Variants in KCNQ1OT1 observed in about 807,000 individuals in gnomAD.
KCNQ1OT1 encodes the protein KCNQ1 opposite strand/antisense transcript 1.
In KCNQ1OT1 at chr11:2,623,542, C is replaced by T; in HGVS notation, n.76453G>A. 1 of 398,552 alleles carries T rather than the reference C, an allele frequency of 2.5e-6. No homozygotes were observed. Among genetic ancestry groups the T allele is most frequent in the Non-Finnish European group, 4.4e-6 (1 of 226,046 alleles). The allele number at this position is 398,552 out of a possible 1,614,324, so 24.7% of individuals were successfully genotyped here. A position where few individuals can be genotyped will look rare whatever the true frequency, so the allele number is the denominator to read the frequency against. ...ACAGTATGTAGTTTCTTCAGATTGCCTTATTTCACATAGTAATATGTTTTT... is the reference window on the plus strand; with the variant it reads ...ACAGTATGTAGTTTCTTCAGATTGCTTTATTTCACATAGTAATATGTTTTT... On this transcript the variant is annotated non_coding_transcript_exon_variant, in exon 1 of 1. Transcript: ENST00000597346. This position sits in a 1 kb window ranked among gnomAD's most constrained non-coding sequence, Gnocchi z 5.2.
exon 1 of KCNQ1OT1, chr11:2,699,738 CGAGGAGCCCCCAGAAGAGCGCCGCGCT>C (rs907213440): frequency 3.9e-5 from 15 of 383,530 alleles, no homozygotes; most frequent in East Asian, 7.3e-5. Flanking sequence ...AGAACTGCGC[CGAGGAGCCCCCAGAAGAGCGCCGCGCT>C]GAGGAGCCCC....
At chr11:2,619,936 T>C (rs1047972884) in exon 1 of KCNQ1OT1, 2 of 385,224 alleles carry the variant, frequency 5.2e-6, no homozygotes, top group Non-Finnish European at 4.5e-6. Context: ...TGCATGATGA[T>C]GAGGTTTGGA....
Position 2,627,700 on chromosome 11 carries a change from A to G in KCNQ1OT1, n.72295T>C. On this transcript the variant is annotated non_coding_transcript_exon_variant, in exon 1 of 1. Transcript: ENST00000597346. This position sits in a 1 kb window ranked among gnomAD's most constrained non-coding sequence, Gnocchi z 4.9. ...TGTGTGTGTGTGTGTCTGTATGTAT[A>G]TGTATGTGATGTGTTTATTTGGGAA... 1 of 398,354 alleles carries G rather than the reference A, an allele frequency of 2.5e-6. No homozygotes were observed. Among genetic ancestry groups the G allele is most frequent in the Admixed American group, 4.4e-5 (1 of 22,680 alleles). 24.7% of individuals were successfully genotyped at this position (398,354 alleles called of 1,614,324 possible). A position where few individuals can be genotyped will look rare whatever the true frequency, so the allele number is the denominator to read the frequency against.
rs1849026235 is a variant in KCNQ1OT1 at position 2,614,338 on chromosome 11, T to G, written n.85657A>C. 3 of 398,608 alleles carry G rather than the reference T, an allele frequency of 7.5e-6. No homozygotes were observed. In the Admixed American group the frequency reaches 1.3e-4, roughly 18 times the overall value. The allele number at this position is 398,608 out of a possible 1,614,324, so 24.7% of individuals were successfully genotyped here. A position where few individuals can be genotyped will look rare whatever the true frequency, so the allele number is the denominator to read the frequency against. ...TAATTCTGTCTGTGCTGCTTTTTAG[T>G]CTTCTGTGCACCCTTTAAATTTTTT... is the stretch of plus-strand genomic sequence containing the variant. On this transcript the variant is annotated non_coding_transcript_exon_variant, in exon 1 of 1. Transcript: ENST00000597346.
chr11:2,640,627 C>T (rs1333867083), exon 1 of KCNQ1OT1: 17 of 396,684 alleles, frequency 4.3e-5, no homozygotes, highest in Middle Eastern at 6.2e-4. Flanking sequence ...TTACATGCAT[C>T]GAATGTGTAA....
At chr11:2,680,937 C>T (rs898685984) in exon 1 of KCNQ1OT1, 1 of 398,398 alleles carries the variant, frequency 2.5e-6, no homozygotes, top group African/African-American at 2.1e-5. Flanking sequence ...ATTTTTAAAG[C>T]TGATGGACAC....
rs1210550681 is a variant in KCNQ1OT1 at position 2,658,298 on chromosome 11, C to T, written n.41697G>A. On this transcript the variant is annotated non_coding_transcript_exon_variant, in exon 1 of 1. Transcript: ENST00000597346. This position sits in a 1 kb window ranked among gnomAD's most constrained non-coding sequence, Gnocchi z 4.9. ...CTTCTACATTTTTTATTTGGAATTC[C>T]TTTATAAGGAAGATTTGTCCCTCTC... 1.0e-5 allele frequency: 4 copies of T among 398,258 alleles called. No homozygotes were observed. The highest frequency in any genetic ancestry group is 1.8e-5 in the Non-Finnish European group (4 of 226,008). 24.7% of individuals were successfully genotyped at this position (398,258 alleles called of 1,614,324 possible).
Position 2,687,223 on chromosome 11 carries a change from A to G in KCNQ1OT1, n.12772T>C, listed in dbSNP as rs926062675. 4 of 398,478 alleles carry G rather than the reference A, an allele frequency of 1.0e-5. No homozygotes were observed. Among genetic ancestry groups the G allele is most frequent in the East Asian group, 3.6e-5 (1 of 28,082 alleles). The allele number at this position is 398,478 out of a possible 1,614,324, so 24.7% of individuals were successfully genotyped here. On this transcript the variant is annotated non_coding_transcript_exon_variant, in exon 1 of 1. Coordinates refer to ENST00000597346, the Ensembl canonical transcript of KCNQ1OT1. This position sits in a 1 kb window ranked among gnomAD's most constrained non-coding sequence, Gnocchi z 5.0. ...AGCATCACACTGTTGGGAAATGTGC[A>G]ATTTTCACTCAGCCAGCATCACTAC...
chr11:2,694,788 C>T (rs1221355035), exon 1 of KCNQ1OT1: 4 of 398,358 alleles, frequency 1.0e-5, no homozygotes, highest in East Asian at 3.6e-5. Flanking sequence ...TGCAGAGACT[C>T]GAAAGGTAGT....
At chr11:2,672,858 G>A (rs932793035) in exon 1 of KCNQ1OT1, 25 of 398,676 alleles carry the variant, frequency 6.3e-5, no homozygotes, top group Non-Finnish European at 2.7e-5. Flanking sequence ...TTTCTTGAGT[G>A]TCATACCCTA....
chr11:2,609,751 G>T (rs1457669953), exon 1 of KCNQ1OT1: 1 of 398,006 alleles, frequency 2.5e-6, no homozygotes, highest in African/African-American at 2.1e-5. Context: ...CTCATGAATT[G>T]ACATTTTATC....
chr11:2,697,994 CTGAG>C (rs1480796885), exon 1 of KCNQ1OT1: 2 of 398,546 alleles, frequency 5.0e-6, no homozygotes, highest in Non-Finnish European at 8.8e-6. Flanking sequence ...TTTTCTCCTA[CTGAG>C]TATCTGGAAA....
rs1276928003 is a variant in KCNQ1OT1, at chr11:2,653,582, T to G, written n.46413A>C. 4 of 398,656 alleles carry G rather than the reference T, an allele frequency of 1.0e-5. No homozygotes were observed. The Admixed American group carries it at 1.3e-4, about 13-fold the overall frequency. The allele number at this position is 398,656 out of a possible 1,614,324, so 24.7% of individuals were successfully genotyped here. A position where few individuals can be genotyped will look rare whatever the true frequency, so the allele number is the denominator to read the frequency against. ...TCCCGTTCCCTCTTTTGTTCTCCCT[T>G]TCCCTTGCTCTCTATCCATTGGCCC... On this transcript the variant is annotated non_coding_transcript_exon_variant, in exon 1 of 1. Coordinates refer to ENST00000597346, the Ensembl canonical transcript of KCNQ1OT1. This position sits in a 1 kb window ranked among gnomAD's most constrained non-coding sequence, Gnocchi z 5.3.
At chr11:2,618,595 C>A in exon 1 of KCNQ1OT1, 1 of 398,498 alleles carries the variant, frequency 2.5e-6, no homozygotes, top group South Asian at 1.3e-4. Context: ...ACTGTTTGAT[C>A]AATAGTTTTG....
Position 2,669,358 on chromosome 11 carries a change from G to T in KCNQ1OT1, n.30637C>A. ...CAGCAGCCTCTAGATGGGCATGGGA[G>T]AATGGGTATCCTTATAGTTTTGGGG... On this transcript the variant is annotated non_coding_transcript_exon_variant, in exon 1 of 1. Transcript: ENST00000597346. This position sits in a 1 kb window ranked among gnomAD's most constrained non-coding sequence, Gnocchi z 5.6. 1 of 398,674 alleles carries T rather than the reference G, an allele frequency of 2.5e-6. No individual in the cohort carries two copies. The highest frequency in any genetic ancestry group is 2.1e-5 in the African/African-American group (1 of 48,768). 24.7% of individuals were successfully genotyped at this position (398,674 alleles called of 1,614,324 possible). A position where few individuals can be genotyped will look rare whatever the true frequency, so the allele number is the denominator to read the frequency against.
exon 1 of KCNQ1OT1, chr11:2,681,962 C>T (rs1590029014): frequency 2.5e-6 from 1 of 398,488 alleles, no homozygotes. Flanking sequence ...ACTTACACTT[C>T]CTGTTTGCCA....
Position 2,673,642 on chromosome 11 carries a change from C to G in KCNQ1OT1, n.26353G>C, listed in dbSNP as rs1012166852. 2.5e-6 allele frequency: 1 copy of G among 398,642 alleles called. No individual in the cohort carries two copies. Among genetic ancestry groups the G allele is most frequent in the Non-Finnish European group, 4.4e-6 (1 of 226,164 alleles). The allele number at this position is 398,642 out of a possible 1,614,324, so 24.7% of individuals were successfully genotyped here. ...CCACCTTGCTACTGCTGATGACCAC[C>G]CTGACTCATGTCCCTTGTCTGCATA... On this transcript the variant is annotated non_coding_transcript_exon_variant, in exon 1 of 1. Coordinates refer to ENST00000597346, the Ensembl canonical transcript of KCNQ1OT1. This position sits in a 1 kb window ranked among gnomAD's most constrained non-coding sequence, Gnocchi z 4.5.
chr11:2,656,251 A>G (rs1383179656), exon 1 of KCNQ1OT1: 3 of 398,542 alleles, frequency 7.5e-6, no homozygotes, highest in Non-Finnish European at 1.3e-5. Flanking sequence ...TGCATTATAT[A>G]ACCTAGGGTA....
chr11:2,632,793 C>T, exon 1 of KCNQ1OT1: 1 of 398,408 alleles, frequency 2.5e-6, no homozygotes, highest in East Asian at 3.6e-5. Context: ...ATTGTGTATA[C>T]ATACCACATT....
Sources: allele counts gnomAD v4.1 joint callset, GRCh38; gene constraint gnomAD v4.1.1; non-coding constraint Gnocchi (gnomAD v3.1); transcripts MANE v1.5; gene names NCBI Gene and HGNC (gene_info 2026-07-23, HGNC 2026-07-21).